Variants in TUBB3 observed in about 807,000 individuals in gnomAD.
TUBB3 encodes the protein tubulin beta 3 class III.
In TUBB3, 17 loss-of-function variants were observed where a neutral mutation model predicts 37.8. The observed-to-expected ratio is 0.45, with a 90% confidence interval of 0.31 to 0.67. TUBB3 has a LOEUF of 0.67. Ranked by LOEUF, TUBB3 falls within the 30% of genes least tolerant of loss-of-function variation. The pLI is 0.07. For missense variants in TUBB3, 262 were observed against 657.9 expected, an observed-to-expected ratio of 0.40 and a Z score of 6.58; for synonymous variants, 332 against 278.9, an observed-to-expected ratio of 1.19 and a Z score of -1.90.
intron 2 of TUBB3, chr16:89,932,952 C>G: frequency 1.9e-6 from 1 of 539,228 alleles, no homozygotes; most frequent in African/African-American, 1.9e-5. Flanking sequence ...ATGGGGCAGG[C>G]CAGAGACTTT....
chr16:89,932,712 C>T (rs768623622), intron 2 of TUBB3, 33 bp downstream of exon 2: 6 of 1,557,902 alleles, frequency 3.9e-6, no homozygotes, highest in Non-Finnish European at 4.4e-6. Context: ...CTATCCCAGC[C>T]CTGGACTGAC....
At chr16:89,933,294 C>A in intron 2 of TUBB3, 174 bp from the exon 3 acceptor site, 1 of 742,594 alleles carries the variant, frequency 1.3e-6, no homozygotes, top group Non-Finnish European at 2.5e-6. Context: ...CACAGTGAGG[C>A]TTAAGGGTGA....
intron 1 of TUBB3, among the ~76,000 whole-genome samples, chr16:89,930,229 C>CG (rs2151091155): frequency 1.3e-5 from 2 of 151,168 alleles, no homozygotes; most frequent in African/African-American, 4.9e-5. Flanking sequence ...CTCAGCCTCT[C>CG]GAGTAGCTGG....
chr16:89,923,098 C>T (rs1308281066), upstream of TUBB3, among the ~76,000 whole-genome samples: 2 of 152,140 alleles, frequency 1.3e-5, no homozygotes, highest in Non-Finnish European at 2.9e-5. Flanking sequence ...GCCAGCTCCT[C>T]TGGGAGACAG....
In TUBB3 at chr16:89,933,594, T is replaced by C; in HGVS notation, c.277+16T>C. 1.9e-6 allele frequency: 3 copies of C among 1,603,532 alleles called. No homozygotes were observed. Among genetic ancestry groups the C allele is most frequent in the Non-Finnish European group, 1.7e-6 (2 of 1,170,386 alleles). ...TTCATCTTTGGTAAGTTCCCCCTGCTCCAAGCTCTGATGGCAGACCCCATC... is the reference window on the plus strand; with the variant it reads ...TTCATCTTTGGTAAGTTCCCCCTGCCCCAAGCTCTGATGGCAGACCCCATC... On this transcript the variant is annotated intron_variant, in intron 3 of 3. Transcript: ENST00000315491.
chr16:89,934,556 G>A, intron 3 of TUBB3, 173 bp from the exon 4 acceptor site: 1 of 692,214 alleles, frequency 1.4e-6, no homozygotes, highest in Non-Finnish European at 2.6e-6. Context: ...AGCAGCATCG[G>A]CTCAGGGAAG....
At chr16:89,928,691 A>G (rs1298001199) in intron 1 of TUBB3, among the ~76,000 whole-genome samples, 1 of 148,036 alleles carries the variant, frequency 6.8e-6, no homozygotes, top group East Asian at 2.0e-4. Flanking sequence ...CGCCTGGCTA[A>G]TTTTTTGTAT....
In TUBB3 at chr16:89,934,979, A is replaced by G; in HGVS notation, c.528A>G (p.Ser176=). The G allele has an allele frequency of 4.3e-6, 7 of 1,614,140 alleles. No homozygotes were observed. The highest frequency in any genetic ancestry group is 5.9e-6 in the Non-Finnish European group (7 of 1,180,016). ...GCGTCGTGCCCTCACCCAAGGTGTC[A>G]GACACGGTGGTGGAGCCCTACAACG... The part of the protein sequence containing the change: ...TFSVVPSPKV[S]DTVVEPYNAT... Residue 176 remains serine (S), a synonymous_variant, in exon 4 of 4, where the codon TCA becomes TCG. Coordinates refer to ENST00000315491, the MANE Select transcript of TUBB3 (RefSeq NM_006086.4).
At position 89,935,285 on chromosome 16, in the gene TUBB3, C is replaced by T; in HGVS notation, c.834C>T (p.Ser278=). Reference sequence around the variant, plus strand: ...TCGCCCCCCTCACAGCCCGGGGCAGCCAGCAGTACCGGGCCCTGACCGTGC... The same window carrying T: ...TCGCCCCCCTCACAGCCCGGGGCAGTCAGCAGTACCGGGCCCTGACCGTGC... The part of the protein sequence containing the change: ...PGFAPLTARG[S]QQYRALTVPE... The change falls in exon 4 of 4, where the codon AGC becomes AGT. Residue 278 remains serine, a synonymous_variant. Coordinates refer to ENST00000315491, the MANE Select transcript of TUBB3 (RefSeq NM_006086.4). 1 of 1,613,692 alleles carries T rather than the reference C, an allele frequency of 6.2e-7. No homozygotes were observed. Among genetic ancestry groups the T allele is most frequent in the Non-Finnish European group, 8.5e-7 (1 of 1,179,964 alleles).
chr16:89,932,550 C>A lies in TUBB3; in HGVS notation c.58-21C>A, dbSNP rs78656983. 2,653 of 1,608,066 alleles carry A rather than the reference C, an allele frequency of 1.6e-3. 3 individuals are homozygous for A. The highest frequency in any genetic ancestry group is 1.9e-3 in the Non-Finnish European group (2,222 of 1,174,794). On this transcript the variant is annotated intron_variant, in intron 1 of 3. Coordinates refer to ENST00000315491, the MANE Select transcript of TUBB3 (RefSeq NM_006086.4). ...GGGCTATGGGCCGGTGCCGACCCCC[C>A]CTCTCCCACTTTGTTTGCAGTTCTG...
chr16:89,925,539 T>C (rs1387444486), intron 1 of TUBB3, among the ~76,000 whole-genome samples: 1 of 151,908 alleles, frequency 6.6e-6, no homozygotes, highest in Non-Finnish European at 1.5e-5. Flanking sequence ...GAGGCTGCAA[T>C]GAACTATGAC....
chr16:89,932,851 A>G (rs2030325563), intron 2 of TUBB3, 172 bp downstream of exon 2: 2 of 647,458 alleles, frequency 3.1e-6, no homozygotes, highest in Non-Finnish European at 5.6e-6. Flanking sequence ...ATCCAGACGC[A>G]CAGAACAGAC....
intron 1 of TUBB3, among the ~76,000 whole-genome samples, chr16:89,924,360 G>T (rs532499755): frequency 6.6e-6 from 1 of 152,322 alleles, no homozygotes; most frequent in South Asian, 2.1e-4. Context: ...GCTGGCCCTT[G>T]GTTCTCATCC....
In TUBB3 at chr16:89,935,883, G is replaced by A. The variant is rs969996969; in HGVS notation, c.*79G>A. 6.5e-5 allele frequency: 97 copies of A among 1,493,662 alleles called. No homozygotes were observed. The highest frequency in any genetic ancestry group is 2.7e-4 in the South Asian group (21 of 77,160). 92.5% of individuals were successfully genotyped at this position (1,493,662 alleles called of 1,614,324 possible). ...GTGTCTAAACCCCCGGAGCCATCTT[G>A]CTGCCGACACCCTGCTTTCCCCTCG... On this transcript the variant is annotated 3_prime_UTR_variant, in exon 4 of 4. Coordinates refer to ENST00000315491, the MANE Select transcript of TUBB3 (RefSeq NM_006086.4).
intron 1 of TUBB3, among the ~76,000 whole-genome samples, chr16:89,929,978 G>T (rs577293089): frequency 1.3e-5 from 2 of 152,158 alleles, no homozygotes; most frequent in South Asian, 4.2e-4. Flanking sequence ...GGGATTACAG[G>T]CGTGAGCCAC....
rs751066850 is a variant in TUBB3 at position 89,933,499 on chromosome 16, G to A, written c.198G>A (p.Val66=). The change falls in exon 3 of 4, where the codon GTG becomes GTA. Residue 66 remains valine (V), a synonymous_variant. Coordinates refer to ENST00000315491, the MANE Select transcript of TUBB3 (RefSeq NM_006086.4). ...AGTACGTGCCTCGAGCCATTCTGGTGGACCTGGAACCCGGAACCATGGACA... is the reference window on the plus strand; with the variant it reads ...AGTACGTGCCTCGAGCCATTCTGGTAGACCTGGAACCCGGAACCATGGACA... The part of the protein sequence containing the change: ...SHKYVPRAIL[V]DLEPGTMDSV... The A allele has an allele frequency of 4.3e-6, 7 of 1,614,158 alleles. No individual in the cohort carries two copies. The Admixed American group carries it at 1.2e-4, about 27-fold the overall frequency.
intron 1 of TUBB3, among the ~76,000 whole-genome samples, chr16:89,931,014 A>T (rs925592528): frequency 6.6e-6 from 1 of 151,900 alleles, no homozygotes; most frequent in African/African-American, 2.4e-5. Flanking sequence ...TCTTTAGTAG[A>T]GACGGGGTTT....
intron 1 of TUBB3, among the ~76,000 whole-genome samples, chr16:89,927,960 A>C (rs2030145578): frequency 6.6e-6 from 1 of 152,218 alleles, no homozygotes; most frequent in East Asian, 1.9e-4. Flanking sequence ...TCCCCGACTC[A>C]AGTGGACTGC....
At chr16:89,931,213 C>A (rs2030267476) in intron 1 of TUBB3, among the ~76,000 whole-genome samples, 1 of 152,234 alleles carries the variant, frequency 6.6e-6, no homozygotes, top group African/African-American at 2.4e-5. Context: ...CCACGTCAGC[C>A]TCCCAAAGTG....
Sources: gnomAD v4.1 joint callset for allele counts (sites outside exome capture counted in the v4.1 genomes callset) on GRCh38, gnomAD v4.1.1 for gene constraint, MANE v1.5 for transcripts, NCBI Gene and HGNC (gene_info 2026-07-23, HGNC 2026-07-21) for gene names.